Variants in MIPOL1 observed in about 807,000 individuals in gnomAD.
The protein encoded by MIPOL1 is mirror-image polydactyly gene 1 protein.
A neutral mutation model predicts 60.9 loss-of-function variants in MIPOL1; 57 were observed. The ratio of observed to expected loss-of-function variants is 0.94; its 90% CI spans 0.76 to 1.17. The LOEUF (loss-of-function observed/expected upper bound fraction) is 1.17, where lower values mean the gene tolerates loss of function less well. MIPOL1 is among the 50% of genes most tolerant of loss of function. The probability of loss-of-function intolerance (pLI) is 0.00; values close to 1 mark genes in which losing one functional copy is unlikely to be tolerated. For synonymous variants in MIPOL1, 179 were observed against 168.8 expected (o/e 1.06, Z -0.47); for missense variants, 551 against 511.6 (o/e 1.08, Z -0.74).
At chr14:37,335,744 A>G (rs2090057501) in intron 9 of MIPOL1, among the ~76,000 whole-genome samples, 1 of 152,016 alleles carries the variant, frequency 6.6e-6, no homozygotes, top group South Asian at 2.1e-4. Flanking sequence ...AATATCTTCT[A>G]TTCAAGTTTT....
chr14:37,320,257 A>C (rs1240338493), intron 9 of MIPOL1, among the ~76,000 whole-genome samples: 3 of 152,162 alleles, frequency 2.0e-5, no homozygotes, highest in Non-Finnish European at 2.9e-5. Flanking sequence ...AAGTTGTGCC[A>C]GTTTACAGCA....
At chr14:37,377,825 A>G (rs2092818822) in intron 10 of MIPOL1, among the ~76,000 whole-genome samples, 1 of 146,442 alleles carries the variant, frequency 6.8e-6, no homozygotes, top group Admixed American at 7.0e-5. Context: ...ATAGCTCACT[A>G]TAACCTCCAA....
At chr14:37,499,504 GGCA>G (rs1218167497) in intron 11 of MIPOL1, among the ~76,000 whole-genome samples, 1 of 152,050 alleles carries the variant, frequency 6.6e-6, no homozygotes, top group Non-Finnish European at 1.5e-5. Flanking sequence ...TTAAGTGCTT[GGCA>G]GAATAGACCC....
intron 11 of MIPOL1, among the ~76,000 whole-genome samples, chr14:37,462,343 C>G (rs1447338156): frequency 6.6e-6 from 1 of 152,178 alleles, no homozygotes; most frequent in Non-Finnish European, 1.5e-5. Flanking sequence ...CACGGGGACC[C>G]TGGGGCTGGC....
chr14:37,337,400 G>A (rs778645586), intron 9 of MIPOL1, among the ~76,000 whole-genome samples: 11 of 99,790 alleles, frequency 1.1e-4, no homozygotes, highest in African/African-American at 4.1e-4. Flanking sequence ...ACAGAGTCTC[G>A]CAATGTCACC....
chr14:37,306,347 T>C (rs897517419), intron 7 of MIPOL1, among the ~76,000 whole-genome samples: 2 of 151,876 alleles, frequency 1.3e-5, no homozygotes, highest in African/African-American at 2.4e-5. Context: ...TCTTTGAAAC[T>C]AAAAATAGAG....
chr14:37,412,586 A>T (rs1422028665), intron 10 of MIPOL1, among the ~76,000 whole-genome samples: 1 of 152,140 alleles, frequency 6.6e-6, no homozygotes, highest in South Asian at 2.1e-4. Flanking sequence ...TATTGTATTG[A>T]TATAAGTTTC....
chr14:37,236,052 G>A (rs1971422690), intron 1 of MIPOL1, among the ~76,000 whole-genome samples: 1 of 151,594 alleles, frequency 6.6e-6, no homozygotes, highest in South Asian at 2.1e-4. Context: ...TCAGCCTCCT[G>A]AGTAGCTGGG....
rs2153355099 is a variant in MIPOL1 at position 37,247,230 on chromosome 14, C to T, written c.-71C>T. On this transcript the variant is annotated 5_prime_UTR_variant, in exon 2 of 13. Coordinates refer to ENST00000684589, the MANE Select transcript of MIPOL1 (RefSeq NM_001388067.1). ...AGGACTTTTTAAAGAACGCTGGGTT[C>T]TATCTGTGAGGTAAATCTAATTTTA... 6.6e-6 allele frequency: 1 copy of T among 152,342 alleles called. No individual in the cohort carries two copies. Among genetic ancestry groups the T allele is most frequent in the Admixed American group, 6.6e-5 (1 of 15,254 alleles). The allele number at this position is 152,342 out of a possible 1,614,324, so 9.4% of individuals were successfully genotyped here.
intron 10 of MIPOL1, among the ~76,000 whole-genome samples, chr14:37,416,504 A>G (rs970005485): frequency 1.3e-5 from 2 of 152,290 alleles, no homozygotes; most frequent in South Asian, 2.1e-4. Flanking sequence ...TTCAGCTGTG[A>G]CACAGCAGCA....
intron 9 of MIPOL1, among the ~76,000 whole-genome samples, chr14:37,357,076 C>T (rs145798117): frequency 6.6e-6 from 1 of 152,166 alleles, no homozygotes; most frequent in African/African-American, 2.4e-5. Context: ...CATGGAGGTG[C>T]AGATATCTCT....
At chr14:37,360,290 T>C (rs1397796897) in intron 9 of MIPOL1, among the ~76,000 whole-genome samples, 2 of 152,206 alleles carry the variant, frequency 1.3e-5, no homozygotes, top group Non-Finnish European at 2.9e-5. Context: ...CCTTTTTTTG[T>C]TGTGTCTCTG....
At chr14:37,334,295 A>C (rs2153456599) in intron 9 of MIPOL1, among the ~76,000 whole-genome samples, 1 of 152,072 alleles carries the variant, frequency 6.6e-6, no homozygotes, top group East Asian at 1.9e-4. Context: ...ATAATTGAAT[A>C]TTTTTAATTT....
intron 3 of MIPOL1, among the ~76,000 whole-genome samples, chr14:37,250,729 G>A (rs968834873): frequency 2.0e-5 from 3 of 151,798 alleles, no homozygotes; most frequent in African/African-American, 7.2e-5. Context: ...GTTCCTAGTC[G>A]GTTCCTTTGA....
chr14:37,460,333 T>C (rs923444182), intron 11 of MIPOL1, among the ~76,000 whole-genome samples: 3 of 152,028 alleles, frequency 2.0e-5, no homozygotes, highest in African/African-American at 7.2e-5. Flanking sequence ...GATAAAAACC[T>C]TCAACAAACT....
rs2086294964 is a variant in MIPOL1, at chr14:37,301,499, TC to T, written c.624-6556del. On this transcript the variant is annotated intron_variant, in intron 7 of 12. Coordinates refer to ENST00000684589, the MANE Select transcript of MIPOL1 (RefSeq NM_001388067.1). ...TGTTTTAGTGTTTAGGCTTATAGTT[TC>T]AAGACACCATTTTCCAAAATTACTT... is the stretch of plus-strand genomic sequence containing the variant. 1.2e-4 allele frequency among the ~76,000 whole-genome samples: 2 copies of T among 16,190 alleles called. 1 individual carries two copies. The highest frequency in any genetic ancestry group is 1.6e-4 in the African/African-American group (2 of 12,864). The allele number at this position is 16,190 out of a possible 152,430, so 10.6% of individuals were successfully genotyped here. A position where few individuals can be genotyped will look rare whatever the true frequency, so the allele number is the denominator to read the frequency against.
At chr14:37,427,910 C>T (rs892915689) in intron 11 of MIPOL1, among the ~76,000 whole-genome samples, 16 of 152,156 alleles carry the variant, frequency 1.1e-4, no homozygotes, top group African/African-American at 3.9e-4. Flanking sequence ...TGTGAAGGAA[C>T]CTAAAACTAA....
chr14:37,529,897 TTTAGA>T (rs2095469698), intron 12 of MIPOL1, among the ~76,000 whole-genome samples: 1 of 152,174 alleles, frequency 6.6e-6, no homozygotes, highest in Admixed American at 6.5e-5. Context: ...TGCAAATGCA[TTTAGA>T]TTTCCTGTGA....
intron 10 of MIPOL1, among the ~76,000 whole-genome samples, chr14:37,376,541 C>T (rs1566473728): frequency 6.7e-6 from 1 of 149,732 alleles, no homozygotes; most frequent in Non-Finnish European, 1.5e-5. Context: ...CTCTCTTGCT[C>T]AAAAAAAAAT....
Sources: allele counts gnomAD v4.1 joint callset (sites outside exome capture counted in the v4.1 genomes callset), GRCh38; gene constraint gnomAD v4.1.1; transcripts MANE v1.5; gene names NCBI Gene and HGNC (gene_info 2026-07-23, HGNC 2026-07-21).